The following SEMA5A variants were observed in gnomAD, a reference collection of about 807,000 sequenced individuals.
SEMA5A encodes semaphorin 5A.
In SEMA5A, 55 loss-of-function variants were observed where a neutral mutation model predicts 135.5. The ratio of observed to expected loss-of-function variants is 0.41; its 90% CI spans 0.33 to 0.51. The LOEUF is 0.51. Ranked by LOEUF, SEMA5A falls within the 20% of genes least tolerant of loss-of-function variation. The pLI is 0.37. For synonymous variants in SEMA5A, 580 were observed against 546.5 expected, an observed-to-expected ratio of 1.06 and a Z score of -0.85; for missense variants, 1,290 against 1,419.9, an observed-to-expected ratio of 0.91 and a Z score of 1.47.
At chr5:9,338,655 G>C (rs925096499) in intron 3 of SEMA5A, among the ~76,000 whole-genome samples, 3 of 152,036 alleles carry the variant, frequency 2.0e-5, no homozygotes, top group African/African-American at 7.2e-5. Flanking sequence ...TCTGATTGTC[G>C]TTTTTTCTTG....
intron 2 of SEMA5A, among the ~76,000 whole-genome samples, chr5:9,414,440 T>C (rs1179549689): frequency 6.6e-6 from 1 of 152,130 alleles, no homozygotes; most frequent in East Asian, 1.9e-4. Context: ...AAGATCAGAT[T>C]TGATGACACA....
At chr5:9,385,044 T>C (rs571825282) in intron 2 of SEMA5A, among the ~76,000 whole-genome samples, 6 of 152,286 alleles carry the variant, frequency 3.9e-5, no homozygotes, top group Admixed American at 1.3e-4. Flanking sequence ...AACAAATGAA[T>C]TTGCCAATAT....
At chr5:9,253,621 TG>T (rs1748913722) in intron 5 of SEMA5A, among the ~76,000 whole-genome samples, 1 of 152,200 alleles carries the variant, frequency 6.6e-6, no homozygotes, top group Non-Finnish European at 1.5e-5. Flanking sequence ...GTTAGATTTA[TG>T]TTCCTACTAA....
intron 18 of SEMA5A, among the ~76,000 whole-genome samples, chr5:9,061,774 GA>G (rs1252395172): frequency 6.6e-6 from 1 of 152,200 alleles, no homozygotes; most frequent in African/African-American, 2.4e-5. Flanking sequence ...AGAAGACCCA[GA>G]AAAACAGCTC....
chr5:9,256,147 C>A (rs912683829), intron 5 of SEMA5A, among the ~76,000 whole-genome samples: 3 of 152,152 alleles, frequency 2.0e-5, no homozygotes, highest in Non-Finnish European at 1.5e-5. Flanking sequence ...CCCATTATAA[C>A]CCTTTCCTCT....
intron 4 of SEMA5A, among the ~76,000 whole-genome samples, chr5:9,327,865 G>A (rs559513544): frequency 3.9e-5 from 6 of 151,952 alleles, no homozygotes; most frequent in East Asian, 3.9e-4. Context: ...CTGGGTATCT[G>A]ATTTGTTCCT....
At chr5:9,178,983 A>G (rs1744357739) in intron 11 of SEMA5A, among the ~76,000 whole-genome samples, 1 of 152,196 alleles carries the variant, frequency 6.6e-6, no homozygotes, top group African/African-American at 2.4e-5. Context: ...TCACGTAGAA[A>G]ATGGTTTGAA....
At chr5:9,265,475 G>A (rs771603879) in intron 5 of SEMA5A, 5 of 456,362 alleles carry the variant, frequency 1.1e-5, no homozygotes, top group South Asian at 7.7e-5. Context: ...GCCCTGTGAT[G>A]TTCAACTCTT....
At chr5:9,062,833 C>A in intron 18 of SEMA5A, 54 bp downstream of exon 18, 1 of 1,574,524 alleles carries the variant, frequency 6.4e-7, no homozygotes, top group Non-Finnish European at 8.7e-7. Context: ...AATTAGAAGA[C>A]TCTCCAAGGC....
At chr5:9,098,292 C>A (rs1410294983) in intron 16 of SEMA5A, among the ~76,000 whole-genome samples, 1 of 150,156 alleles carries the variant, frequency 6.7e-6, no homozygotes, top group African/African-American at 2.5e-5. Flanking sequence ...GAACAAGCAA[C>A]ACTACTCCAG....
At chr5:9,290,606 G>T (rs1428349358) in intron 5 of SEMA5A, among the ~76,000 whole-genome samples, 1 of 152,084 alleles carries the variant, frequency 6.6e-6, no homozygotes, top group Admixed American at 6.6e-5. Context: ...ATAACAGGAA[G>T]TTCAGCAAAT....
intron 11 of SEMA5A, among the ~76,000 whole-genome samples, chr5:9,177,543 C>A (rs557914644): frequency 5.3e-5 from 8 of 152,160 alleles, no homozygotes; most frequent in African/African-American, 1.7e-4. Flanking sequence ...GAAGTCAGTG[C>A]CTTGACTTGG....
At chr5:9,372,872 C>T (rs1451417321) in intron 3 of SEMA5A, among the ~76,000 whole-genome samples, 2 of 152,216 alleles carry the variant, frequency 1.3e-5, no homozygotes, top group Non-Finnish European at 2.9e-5. Context: ...TGAGAGGTTA[C>T]AGTTTGTTGT....
Position 9,202,098 on chromosome 5 carries a change from C to T in SEMA5A, c.789G>A (p.Leu263=), listed in dbSNP as rs1205649016. ...VCKNDIGGRF[L]LEDTWTTFMK... ...TGAATGTGGTCCAGGTGTCTTCCAG[C>T]AGGAAGCGCCCACCAATATCGTTCT... Residue 263 remains leucine (L), a synonymous_variant, in exon 9 of 23, where the codon CTG becomes CTA. Coordinates refer to ENST00000382496, the MANE Select transcript of SEMA5A (RefSeq NM_003966.3). 3.7e-6 allele frequency: 6 copies of T among 1,614,042 alleles called. No homozygotes were observed. In the Admixed American group the frequency reaches 1.0e-4, roughly 27 times the overall value.
At chr5:9,356,761 A>G (rs1191805503) in intron 3 of SEMA5A, among the ~76,000 whole-genome samples, 3 of 152,224 alleles carry the variant, frequency 2.0e-5, no homozygotes, top group Non-Finnish European at 2.9e-5. Context: ...ACGAATTAAC[A>G]TTGTCATGAC....
At chr5:9,449,851 A>C (rs1310077124) in intron 1 of SEMA5A, among the ~76,000 whole-genome samples, 1 of 152,146 alleles carries the variant, frequency 6.6e-6, no homozygotes, top group East Asian at 1.9e-4. Flanking sequence ...GCTAGAGAAA[A>C]CTGCAGCTTC....
At chr5:9,359,715 C>T (rs1284521551) in intron 3 of SEMA5A, among the ~76,000 whole-genome samples, 1 of 152,162 alleles carries the variant, frequency 6.6e-6, no homozygotes, top group Non-Finnish European at 1.5e-5. Flanking sequence ...TCCATGTTGG[C>T]TTGTTAGGCA....
chr5:9,117,114 T>C lies in SEMA5A; in HGVS notation c.1925+1884A>G, dbSNP rs141044650. 7.2e-5 allele frequency among the ~76,000 whole-genome samples: 11 copies of C among 152,328 alleles called. No individual in the cohort carries two copies. In the East Asian group the frequency reaches 1.7e-3, roughly 24 times the overall value. On this transcript the variant is annotated intron_variant, in intron 15 of 22. Transcript: ENST00000382496. ...ACATTTCTTCTTTACAAAAGGAATA[T>C]TTTACATATAAGTCCCTCAAACACA...
At chr5:9,336,433 G>T (rs1205729) in intron 4 of SEMA5A, among the ~76,000 whole-genome samples, 1 of 151,848 alleles carries the variant, frequency 6.6e-6, no homozygotes, top group Non-Finnish European at 1.5e-5. Context: ...CCAGGAGACT[G>T]ATTTAACACC....
Sources: allele counts gnomAD v4.1 joint callset (sites outside exome capture counted in the v4.1 genomes callset), GRCh38; gene constraint gnomAD v4.1.1; transcripts MANE v1.5; gene names NCBI Gene and HGNC (gene_info 2026-07-23, HGNC 2026-07-21).